BIRC6: variants seen among roughly 807,000 people sequenced by gnomAD.
BIRC6 encodes baculoviral IAP repeat containing 6.
In BIRC6, 98 loss-of-function variants were observed where a neutral mutation model predicts 503.3. The observed-to-expected ratio is 0.19, with a 90% CI of 0.17 to 0.23. The LOEUF is 0.23. Among genes scored for constraint, BIRC6 ranks in the 10% least tolerant of loss-of-function variants. The pLI, the probability that BIRC6 is intolerant of heterozygous loss-of-function variation, is 1.00. For missense variants in BIRC6, 5,360 were observed against 5,806.0 expected (o/e 0.92, Z 2.50); for synonymous variants, 2,240 against 2,078.7 (o/e 1.08, Z -2.11).
intron 3 of BIRC6, 36 bp downstream of exon 3, chr2:32,380,326 A>G (rs2037437534): frequency 2.6e-6 from 4 of 1,559,166 alleles, no homozygotes; most frequent in Non-Finnish European, 3.4e-6. Context: ...TTGGGGTTAT[A>G]TTACAATGGA....
At chr2:32,380,028 A>C (rs1214430717) in intron 2 of BIRC6, 125 bp from the exon 3 acceptor site, 1 of 542,176 alleles carries the variant, frequency 1.8e-6, no homozygotes, top group Non-Finnish European at 3.0e-6. Flanking sequence ...TTAAAAGGTA[A>C]GTTTAGTATA....
chr2:32,448,995 TAATA>T (rs1029945004), intron 22 of BIRC6, 67 bp downstream of exon 22: 12 of 1,443,132 alleles, frequency 8.3e-6, no homozygotes, highest in Admixed American at 2.0e-5. Flanking sequence ...CCATTTGACT[TAATA>T]GATTATAGTC....
At chr2:32,393,478 A>G (rs900327029) in intron 5 of BIRC6, among the ~76,000 whole-genome samples, 2 of 152,176 alleles carry the variant, frequency 1.3e-5, no homozygotes, top group Admixed American at 1.3e-4. Context: ...TAATACTTAT[A>G]TGTCAGTTTA....
At position 32,617,885 on chromosome 2, in the gene BIRC6, C is replaced by A; in HGVS notation, c.14555C>A (p.Pro4852His). ...QVKPSSSKEL[P>H]SDFQL Reference sequence around the variant, plus strand: ...AAACCCAGCAGCAGCAAAGAACTCCCCAGTGACTTCCAGTTATGAGCTGCA... The same window carrying A: ...AAACCCAGCAGCAGCAAAGAACTCCACAGTGACTTCCAGTTATGAGCTGCA... Residue 4852 changes from proline (P) to histidine (H), a missense_variant, in exon 74 of 74, where the codon CCC becomes CAC. Physicochemically the swap from Pro to His is moderately conservative, Grantham distance 77. Coordinates refer to ENST00000421745, the MANE Select transcript of BIRC6 (RefSeq NM_016252.4). 1 of 1,613,166 alleles carries A rather than the reference C, an allele frequency of 6.2e-7. No homozygotes were observed. Among genetic ancestry groups the A allele is most frequent in the Non-Finnish European group, 8.5e-7 (1 of 1,179,422 alleles).
At chr2:32,455,829 T>G (rs1337724418) in intron 23 of BIRC6, among the ~76,000 whole-genome samples, 1 of 152,204 alleles carries the variant, frequency 6.6e-6, no homozygotes, top group African/African-American at 2.4e-5. Flanking sequence ...TGTATATATA[T>G]GCCATCACCT....
At position 32,607,488 on chromosome 2, in the gene BIRC6, G is replaced by A. The variant is rs2151648161; in HGVS notation, c.14104G>A (p.Ala4702Thr). 6.2e-7 allele frequency: 1 copy of A among 1,607,308 alleles called. No individual in the cohort carries two copies. Among genetic ancestry groups the A allele is most frequent in the Admixed American group, 1.7e-5 (1 of 59,554 alleles). The change falls in exon 72 of 74, where the codon GCT (alanine) becomes ACT (threonine). Residue 4702 changes from alanine (A) to threonine (T), a missense_variant. Around this residue, in one of 16 missense-constraint regions of BIRC6, gnomAD observed 2 missense variants for 29.7 expected, o/e 0.07. Transcript: ENST00000421745. ...LVSVQSLILVAEPYFNEPGYE... is the reference protein window; with the variant it reads ...LVSVQSLILVTEPYFNEPGYE... ...GTCTGTCCAGTCCCTTATATTAGTAGCTGAGCCTTATTTTAATGAACCGGG... is the reference window on the plus strand; with the variant it reads ...GTCTGTCCAGTCCCTTATATTAGTAACTGAGCCTTATTTTAATGAACCGGG...
At chr2:32,549,007 A>T (rs1469793380) in intron 64 of BIRC6, 1 of 181,672 alleles carries the variant, frequency 5.5e-6, no homozygotes, top group African/African-American at 2.3e-5. Context: ...TCAAACTGTG[A>T]ATTGAGTCTA....
intron 45 of BIRC6, among the ~76,000 whole-genome samples, chr2:32,498,424 TA>T (rs1558895282): frequency 6.6e-6 from 1 of 152,200 alleles, no homozygotes; most frequent in East Asian, 1.9e-4. Flanking sequence ...CATTCCACTT[TA>T]AAATATTATT....
At chr2:32,552,636 T>A (rs902495199) in intron 65 of BIRC6, among the ~76,000 whole-genome samples, 3 of 152,154 alleles carry the variant, frequency 2.0e-5, no homozygotes, top group Non-Finnish European at 2.9e-5. Context: ...TCTCCAGAGG[T>A]AGGCACTGAT....
At chr2:32,394,341 T>A (rs2039601410) in intron 5 of BIRC6, among the ~76,000 whole-genome samples, 1 of 152,088 alleles carries the variant, frequency 6.6e-6, no homozygotes, top group South Asian at 2.1e-4. Flanking sequence ...ATATTAGTTT[T>A]CAGGTATATT....
intron 66 of BIRC6, among the ~76,000 whole-genome samples, chr2:32,586,250 TA>T (rs776879877): frequency 3.0e-4 from 43 of 144,694 alleles, no homozygotes; most frequent in Admixed American, 4.9e-4. Context: ...TTAAGTGATT[TA>T]AAAAAAAAAA....
chr2:32,519,005 T>G (rs1263068097), intron 57 of BIRC6, 59 bp downstream of exon 57: 1 of 1,489,748 alleles, frequency 6.7e-7, no homozygotes, highest in Admixed American at 1.9e-5. Context: ...ATATGGAGGT[T>G]TATTGTTTTT....
At chr2:32,362,278 T>G (rs1479999814) in intron 1 of BIRC6, among the ~76,000 whole-genome samples, 1 of 152,098 alleles carries the variant, frequency 6.6e-6, no homozygotes, top group Non-Finnish European at 1.5e-5. Flanking sequence ...TCTTTTCATA[T>G]GCTTATTTGT....
At chr2:32,411,344 C>G (rs2041851170) in intron 9 of BIRC6, among the ~76,000 whole-genome samples, 1 of 151,122 alleles carries the variant, frequency 6.6e-6, no homozygotes, top group Non-Finnish European at 1.5e-5. Context: ...CAGCCTTGAG[C>G]ACTTTTATAT....
rs1346394790 is a variant in BIRC6 at position 32,607,481 on chromosome 2, A to G, written c.14097A>G (p.Ile4699Met). 1 of 1,604,504 alleles carries G rather than the reference A, an allele frequency of 6.2e-7. No homozygotes were observed. The part of the protein sequence containing the change: ...LQVLVSVQSL[I>M]LVAEPYFNEP... Reference sequence around the variant, plus strand: ...TGTTGGTGTCTGTCCAGTCCCTTATATTAGTAGCTGAGCCTTATTTTAATG... The same window carrying G: ...TGTTGGTGTCTGTCCAGTCCCTTATGTTAGTAGCTGAGCCTTATTTTAATG... Residue 4699 changes from isoleucine to methionine, a missense_variant, in exon 72 of 74, where the codon ATA (isoleucine) becomes ATG (methionine). Coordinates refer to ENST00000421745, the MANE Select transcript of BIRC6 (RefSeq NM_016252.4).
Position 32,476,296 on chromosome 2 carries a change from A to G in BIRC6, c.6804A>G (p.Ser2268=), listed in dbSNP as rs367865861. ...KEKIQSNKGS[S]YKLLVEQAKL... Reference sequence around the variant, plus strand: ...AAATACAAAGTAACAAAGGATCATCATATAAACTCCTGGTAGAACAAGCAA... The same window carrying G: ...AAATACAAAGTAACAAAGGATCATCGTATAAACTCCTGGTAGAACAAGCAA... The change falls in exon 34 of 74, where the codon TCA becomes TCG. Residue 2268 remains serine, a synonymous_variant. Coordinates refer to ENST00000421745, the MANE Select transcript of BIRC6 (RefSeq NM_016252.4). The G allele has an allele frequency of 3.0e-4, 471 of 1,571,764 alleles. No individual in the cohort carries two copies. Among genetic ancestry groups the G allele is most frequent in the Non-Finnish European group, 3.7e-4 (432 of 1,157,022 alleles).
In BIRC6 at chr2:32,467,673, T is replaced by G; in HGVS notation, c.5505T>G (p.Thr1835=). ...EVDGRRLVVA[T]DISTHSLILH... is the part of the protein sequence containing the mutation. ...ATGGAAGGCGGTTGGTAGTGGCAACTGATATAAGCACTCATTCACTAATTC... is the reference window on the plus strand; with the variant it reads ...ATGGAAGGCGGTTGGTAGTGGCAACGGATATAAGCACTCATTCACTAATTC... Residue 1835 remains threonine (T), a synonymous_variant, in exon 27 of 74, where the codon ACT becomes ACG. Transcript: ENST00000421745. The G allele has an allele frequency of 6.2e-7, 1 of 1,613,924 alleles. No homozygotes were observed. The highest frequency in any genetic ancestry group is 8.5e-7 in the Non-Finnish European group (1 of 1,179,872).
chr2:32,427,426 C>T (rs1028062380), intron 10 of BIRC6, among the ~76,000 whole-genome samples: 2 of 151,974 alleles, frequency 1.3e-5, no homozygotes, highest in African/African-American at 2.4e-5. Flanking sequence ...CAGGGGATTA[C>T]AGGCGCCTGC....
intron 1 of BIRC6, among the ~76,000 whole-genome samples, chr2:32,369,397 C>T (rs1368926002): frequency 1.3e-5 from 2 of 151,220 alleles, no homozygotes; most frequent in African/African-American, 2.4e-5. Flanking sequence ...TTGCTTCTCA[C>T]ATTGGCACCT....
Sources: allele counts gnomAD v4.1 joint callset (sites outside exome capture counted in the v4.1 genomes callset), GRCh38; gene constraint gnomAD v4.1.1; regional missense constraint gnomAD v4.1.1; transcripts MANE v1.5; gene names NCBI Gene and HGNC (gene_info 2026-07-23, HGNC 2026-07-21).